Variants in ANGEL1 observed in about 807,000 individuals in gnomAD.
The protein encoded by ANGEL1 is angel homolog 1, also known as RNA 2',3'-cyclic phosphatase ANGEL1.
ANGEL1 carries 62 observed loss-of-function variants against 76.4 expected under a neutral mutation model. The ratio of observed to expected loss-of-function variants is 0.81; its 90% CI spans 0.66 to 1.00. ANGEL1 has a LOEUF of 1.00. Among genes scored for constraint, ANGEL1 ranks in the 50% least tolerant of loss-of-function variants. The pLI is 0.00. For synonymous variants in ANGEL1, 340 were observed against 331.7 expected (o/e 1.03, Z -0.27); for missense variants, 737 against 836.7 (o/e 0.88, Z 1.47).
At position 76,804,043 on chromosome 14, in the gene ANGEL1, T is replaced by C; in HGVS notation, c.1381-131A>G. ...ACTACGTACATGGTATAAACAAGCA[T>C]ATAAGTCTCAGGGGCAGGTTAAAAA... On this transcript the variant is annotated intron_variant, in intron 5 of 9. Transcript: ENST00000251089. The C allele has an allele frequency of 5.1e-6, 8 of 1,574,848 alleles. No individual in the cohort carries two copies. The South Asian group carries it at 9.2e-5, about 18-fold the overall frequency.
intron 7 of ANGEL1, among the ~76,000 whole-genome samples, chr14:76,801,107 T>C (rs1894749678): frequency 6.7e-6 from 1 of 150,106 alleles, no homozygotes; most frequent in South Asian, 2.1e-4. Flanking sequence ...TTAATTCTCC[T>C]ACATCTTTTT....
chr14:76,793,064 C>A (rs1304592401), intron 7 of ANGEL1, among the ~76,000 whole-genome samples: 1 of 151,916 alleles, frequency 6.6e-6, no homozygotes, highest in Non-Finnish European at 1.5e-5. Flanking sequence ...ACGATCAATA[C>A]ACAAAAATAC....
At chr14:76,811,415 T>C (rs559822608) in intron 1 of ANGEL1, among the ~76,000 whole-genome samples, 3 of 151,214 alleles carry the variant, frequency 2.0e-5, no homozygotes, top group South Asian at 2.1e-4. Flanking sequence ...TTGGTGGTGG[T>C]GGTGGTGGAT....
At chr14:76,807,336 G>A (rs1055683065) in intron 4 of ANGEL1, 97 bp downstream of exon 4, 20 of 1,243,368 alleles carry the variant, frequency 1.6e-5, no homozygotes, top group East Asian at 2.5e-5. Context: ...TGAAACTGAG[G>A]GTTTACTAAG....
intron 4 of ANGEL1, 95 bp from the exon 5 acceptor site, chr14:76,806,944 G>T (rs1220186207): frequency 1.5e-6 from 2 of 1,333,864 alleles, no homozygotes; most frequent in Non-Finnish European, 2.1e-6. Context: ...TGCCCCTGAG[G>T]CATTGTTCCT....
chr14:76,811,495 G>A (rs990311023), intron 1 of ANGEL1, among the ~76,000 whole-genome samples: 1 of 129,274 alleles, frequency 7.7e-6, no homozygotes, highest in Admixed American at 8.0e-5. Context: ...GTAAATATAA[G>A]TGGGACTACT....
rs1894323802 is a variant in ANGEL1 at position 76,789,178 on chromosome 14, G to A, written c.*50C>T. 1.9e-6 allele frequency: 3 copies of A among 1,604,698 alleles called. No homozygotes were observed. In the South Asian group the frequency reaches 3.3e-5, roughly 18 times the overall value. On this transcript the variant is annotated 3_prime_UTR_variant, in exon 10 of 10. Coordinates refer to ENST00000251089, the MANE Select transcript of ANGEL1 (RefSeq NM_015305.4). ...TGCATGGGATTTTTCCACAGTCTCT[G>A]ATCCAGTGAGCTCTTCTGGAAGAGA...
At chr14:76,812,388 G>A in intron 1 of ANGEL1, 1 of 1,061,468 alleles carries the variant, frequency 9.4e-7, no homozygotes, top group Non-Finnish European at 1.1e-6. Context: ...TTGGGCACTC[G>A]CCTAGGTCCG....
At position 76,789,407 on chromosome 14, in the gene ANGEL1, G is replaced by A. The variant is rs1303434803; in HGVS notation, c.1853-19C>T. On this transcript the variant is annotated intron_variant, in intron 9 of 9. Coordinates refer to ENST00000251089, the MANE Select transcript of ANGEL1 (RefSeq NM_015305.4). Reference sequence around the variant, plus strand: ...CTGTGATCTGGGGCACAAAGCAGAAGCCAATGGGTAAAAGCAGCCGCAGCC... The same window carrying A: ...CTGTGATCTGGGGCACAAAGCAGAAACCAATGGGTAAAAGCAGCCGCAGCC... The A allele has an allele frequency of 3.1e-6, 5 of 1,613,570 alleles. No homozygotes were observed.
At chr14:76,798,714 G>A (rs932190570) in intron 7 of ANGEL1, among the ~76,000 whole-genome samples, 35 of 152,010 alleles carry the variant, frequency 2.3e-4, no homozygotes, top group Non-Finnish European at 4.4e-4. Flanking sequence ...TTGGGAGGCC[G>A]AGGTGGGTGG....
chr14:76,809,536 C>A lies in ANGEL1; in HGVS notation c.172G>T (p.Glu58Ter). 1 of 1,614,264 alleles carries A rather than the reference C, an allele frequency of 6.2e-7. No homozygotes were observed. The highest frequency in any genetic ancestry group is 8.5e-7 in the Non-Finnish European group (1 of 1,180,050). ...TCTCGCCACTGCTGCAGCAGGCCCT[C>A]ACATTCCTCCTGCTCAGGGCCCCGA... The part of the protein sequence containing the change: ...APRGPEQEEC[E>*]GLLQQWREEG... The change falls in exon 2 of 10, where the codon GAG (glutamate) becomes TAG (stop). Residue 58 changes from glutamate (E) to a stop codon, truncating the protein, a stop_gained. Transcript: ENST00000251089. LOFTEE classifies it high-confidence loss of function.
At chr14:76,802,066 G>C (rs1478010474) in intron 7 of ANGEL1, among the ~76,000 whole-genome samples, 1 of 152,100 alleles carries the variant, frequency 6.6e-6, no homozygotes, top group East Asian at 1.9e-4. Context: ...CAGCTACTCG[G>C]GAGGCTGAGG....
chr14:76,809,035 C>A, intron 2 of ANGEL1, 24 bp downstream of exon 2: 1 of 1,584,252 alleles, frequency 6.3e-7, no homozygotes. Flanking sequence ...TCCCTTGGCT[C>A]ACTCAACCAG....
rs1342486283 is a variant in ANGEL1, at chr14:76,791,461, TGGATTGCTTCAGAAGGATCCAGAA to T, written c.1619-119_1619-96del. ...CTAAAATCCCTCTCAGATCCTTGAC[TGGATTGCTTCAGAAGGATCCAGAA>T]GGAGAAAGGGAGAAACAGTGAGGAG... On this transcript the variant is annotated intron_variant, in intron 7 of 9. Transcript: ENST00000251089. 3 of 1,179,660 alleles carry T rather than the reference TGGATTGCTTCAGAAGGATCCAGAA, an allele frequency of 2.5e-6. No homozygotes were observed. The East Asian group carries it at 7.5e-5, about 29-fold the overall frequency. The allele number at this position is 1,179,660 out of a possible 1,614,324, so 73.1% of individuals were successfully genotyped here. A position where few individuals can be genotyped will look rare whatever the true frequency, so the allele number is the denominator to read the frequency against.
intron 1 of ANGEL1, chr14:76,810,214 G>A (rs1209992180): frequency 2.2e-6 from 1 of 454,758 alleles, no homozygotes; most frequent in East Asian, 7.0e-5. Context: ...TTGAGGCCAG[G>A]AGTTAGAGAC....
At chr14:76,796,060 A>C (rs1247556195) in intron 7 of ANGEL1, among the ~76,000 whole-genome samples, 1 of 151,898 alleles carries the variant, frequency 6.6e-6, no homozygotes, top group Admixed American at 6.6e-5. Context: ...ATATCTATTA[A>C]TATAACTCTA....
At chr14:76,804,432 CGTA>C (rs1475791912) in intron 5 of ANGEL1, 3 of 995,440 alleles carry the variant, frequency 3.0e-6, no homozygotes, top group Non-Finnish European at 3.6e-6. Context: ...ACGGACAAAA[CGTA>C]GTAGGGGAAA....
intron 9 of ANGEL1, 80 bp downstream of exon 9, chr14:76,790,531 C>T: frequency 6.5e-7 from 1 of 1,532,858 alleles, no homozygotes; most frequent in Non-Finnish European, 8.8e-7. Context: ...CAGCTGAAGA[C>T]ATGCTACCAA....
intron 7 of ANGEL1, among the ~76,000 whole-genome samples, 186 bp downstream of exon 7, chr14:76,803,185 A>G (rs6574329): frequency 0.73 from 111,600 of 152,164 alleles, 41,422 homozygotes; most frequent in African/African-American, 0.83. Flanking sequence ...CTGGTCCGGC[A>G]CTCTTATCAC....
Sources: allele counts gnomAD v4.1 joint callset (sites outside exome capture counted in the v4.1 genomes callset), GRCh38; gene constraint gnomAD v4.1.1; transcripts MANE v1.5; gene names NCBI Gene and HGNC (gene_info 2026-07-23, HGNC 2026-07-21).